Variants in ADCYAP1R1 observed in about 807,000 individuals in gnomAD.
The protein encoded by ADCYAP1R1 is pituitary adenylate cyclase-activating polypeptide type I receptor.
In ADCYAP1R1, 44 loss-of-function variants were observed where a neutral mutation model predicts 67.6. The ratio of observed to expected loss-of-function variants is 0.65; its 90% CI spans 0.51 to 0.84. The LOEUF (loss-of-function observed/expected upper bound fraction) is 0.84. Among genes scored for constraint, ADCYAP1R1 ranks in the 40% least tolerant of loss-of-function variants. The pLI, the probability that ADCYAP1R1 is intolerant of heterozygous loss-of-function variation, is 0.00. For synonymous variants in ADCYAP1R1, 222 were observed against 219.6 expected, an observed-to-expected ratio of 1.01 and a Z score of -0.10; for missense variants, 477 against 587.9, an observed-to-expected ratio of 0.81 and a Z score of 1.95.
chr7:31,087,553 C>A, intron 11 of ADCYAP1R1, 74 bp from the exon 12 acceptor site: 1 of 1,370,480 alleles, frequency 7.3e-7, no homozygotes, highest in Non-Finnish European at 1.0e-6. Flanking sequence ...CCCAGCTAGG[C>A]AGGGCAGTGT....
intron 3 of ADCYAP1R1, among the ~76,000 whole-genome samples, chr7:31,070,201 C>T (rs1794914334): frequency 6.6e-6 from 1 of 152,234 alleles, no homozygotes; most frequent in African/African-American, 2.4e-5. Flanking sequence ...CCCCCAGGCT[C>T]CGTTCCTTCT....
chr7:31,091,025 C>T (rs1795942459), intron 12 of ADCYAP1R1, among the ~76,000 whole-genome samples: 1 of 152,232 alleles, frequency 6.6e-6, no homozygotes, highest in Non-Finnish European at 1.5e-5. Flanking sequence ...AATTAATTTA[C>T]ATTCCCACCA....
chr7:31,105,862 T>G (rs563186131), intron 15 of ADCYAP1R1, among the ~76,000 whole-genome samples: 1 of 152,192 alleles, frequency 6.6e-6, no homozygotes, highest in Admixed American at 6.5e-5. Context: ...TTGTGCAGTC[T>G]GTGCACTGCA....
intron 13 of ADCYAP1R1, among the ~76,000 whole-genome samples, chr7:31,100,879 C>T (rs1272904047): frequency 1.3e-5 from 2 of 152,190 alleles, no homozygotes; most frequent in African/African-American, 2.4e-5. Context: ...GCCATTGCTC[C>T]CCTGGGCAGC....
rs528935489 is a variant in ADCYAP1R1, at chr7:31,078,626, C to T, written c.265+528C>T. Reference sequence around the variant, plus strand: ...GACGCGTGGGGAAGGCAGCTGGACACAAGACACCCACGTCCACATGCAGAG... The same window carrying T: ...GACGCGTGGGGAAGGCAGCTGGACATAAGACACCCACGTCCACATGCAGAG... On this transcript the variant is annotated intron_variant, in intron 4 of 15. Coordinates refer to ENST00000304166, the MANE Select transcript of ADCYAP1R1 (RefSeq NM_001118.5). Among the ~76,000 whole-genome samples, 7 of 152,352 alleles carry T rather than the reference C, an allele frequency of 4.6e-5. No homozygotes were observed. In the South Asian group the frequency reaches 1.5e-3, roughly 32 times the overall value.
intron 3 of ADCYAP1R1, 131 bp from the exon 4 acceptor site, chr7:31,077,860 A>G: frequency 1.9e-6 from 1 of 536,530 alleles, no homozygotes; most frequent in African/African-American, 2.2e-5. Context: ...TTGTGTGTGT[A>G]GCATGTATGT....
Position 31,054,649 on chromosome 7 carries a change from C to G in ADCYAP1R1, c.-72+1971C>G, listed in dbSNP as rs575101996. ...GGAGTGTCCCAGGTTGCCGCCCTCC[C>G]AGGGACAAGCATTTCATTGACCTGG... On this transcript the variant is annotated intron_variant, in intron 1 of 15. Coordinates refer to ENST00000304166, the MANE Select transcript of ADCYAP1R1 (RefSeq NM_001118.5). 9.8e-5 allele frequency among the ~76,000 whole-genome samples: 15 copies of G among 152,348 alleles called. No individual in the cohort carries two copies. In the East Asian group the frequency reaches 2.7e-3, roughly 27 times the overall value.
At chr7:31,101,395 C>T (rs915973247) in intron 13 of ADCYAP1R1, among the ~76,000 whole-genome samples, 1 of 152,146 alleles carries the variant, frequency 6.6e-6, no homozygotes, top group Non-Finnish European at 1.5e-5. Context: ...TGGAAATGGT[C>T]CCACCTATGG....
Position 31,057,640 on chromosome 7 carries a change from C to G in ADCYAP1R1, c.-72+4962C>G, listed in dbSNP as rs889913352. Among the ~76,000 whole-genome samples the G allele has an allele frequency of 3.9e-5, 6 of 152,122 alleles. No homozygotes were observed. The East Asian group carries it at 1.2e-3, about 29-fold the overall frequency. On this transcript the variant is annotated intron_variant, in intron 1 of 15. Transcript: ENST00000304166. ...GTCTGTGCCCTTTATCAGCTCTGGT[C>G]TTGAGGAGGAAAGAGGTTCTAGAGG...
intron 1 of ADCYAP1R1, among the ~76,000 whole-genome samples, chr7:31,056,161 G>T (rs1370496733): frequency 6.6e-6 from 1 of 152,154 alleles, no homozygotes; most frequent in Non-Finnish European, 1.5e-5. Context: ...GCTCCAAGGA[G>T]AGGGGCTCCT....
At chr7:31,084,102 A>G (rs970799415) in intron 6 of ADCYAP1R1, 39 bp from the exon 7 acceptor site, 1 of 1,575,982 alleles carries the variant, frequency 6.3e-7, no homozygotes, top group South Asian at 1.1e-5. Context: ...GGCCCTCTTA[A>G]TCATTTCTGG....
rs188669118 is a variant in ADCYAP1R1, at chr7:31,081,875, G to A, written c.328+121G>A. The A allele has an allele frequency of 9.8e-3, 7,045 of 715,916 alleles. 55 individuals carry two copies. The highest frequency in any genetic ancestry group is 0.013 in the Non-Finnish European group (5,740 of 443,562). The allele number at this position is 715,916 out of a possible 1,614,324, so 44.3% of individuals were successfully genotyped here. On this transcript the variant is annotated intron_variant, in intron 6 of 15. Coordinates refer to ENST00000304166, the MANE Select transcript of ADCYAP1R1 (RefSeq NM_001118.5). ...CTCCTCTGTGGCTGTGTGATCTTTG[G>A]CAGGTGACTTTTTTTCTCTGATAAA...
At position 31,107,620 on chromosome 7, in the gene ADCYAP1R1, C is replaced by T. The variant is rs1234456455; in HGVS notation, c.*936C>T. 1.3e-5 allele frequency: 2 copies of T among 152,140 alleles called. No homozygotes were observed. The highest frequency in any genetic ancestry group is 4.8e-5 in the African/African-American group (2 of 41,406). The allele number at this position is 152,140 out of a possible 1,614,324, so 9.4% of individuals were successfully genotyped here. On this transcript the variant is annotated 3_prime_UTR_variant, in exon 16 of 16. Transcript: ENST00000304166. The stretch of plus-strand genomic sequence containing the variant: ...ACAGAGAGCCCTTAAGCCCTCCCCT[C>T]CCCATTTCCCCTAAGTCAAAGCCAT...
intron 14 of ADCYAP1R1, among the ~76,000 whole-genome samples, 197 bp downstream of exon 14, chr7:31,103,563 G>A (rs1056144999): frequency 6.6e-5 from 10 of 152,198 alleles, no homozygotes; most frequent in African/African-American, 2.4e-4. Context: ...CACTGCATCT[G>A]AGTATCCTGA....
At chr7:31,100,802 T>G (rs984913799) in intron 13 of ADCYAP1R1, among the ~76,000 whole-genome samples, 1 of 152,200 alleles carries the variant, frequency 6.6e-6, no homozygotes, top group African/African-American at 2.4e-5. Context: ...CCTAAGCACT[T>G]CGCCCCAAGG....
intron 3 of ADCYAP1R1, among the ~76,000 whole-genome samples, chr7:31,076,152 A>AG (rs1197490455): frequency 6.6e-6 from 1 of 152,226 alleles, no homozygotes; most frequent in East Asian, 1.9e-4. Context: ...ATCCATGAGC[A>AG]GGGTGAGCTC....
rs3076597 is a variant in ADCYAP1R1, at chr7:31,108,746, A to ATG, written c.*2096_*2097dup. ...CCTCATATCAGGTTTTGATGAATAT[A>ATG]TGTGTGTGTGTGTGTGTGTGTGTGT... On this transcript the variant is annotated 3_prime_UTR_variant, in exon 16 of 16. Coordinates refer to ENST00000304166, the MANE Select transcript of ADCYAP1R1 (RefSeq NM_001118.5). 0.13 allele frequency: 19,458 copies of ATG among 147,946 alleles called. 1,678 individuals are homozygous for ATG. The highest frequency in any genetic ancestry group is 0.25 in the African/African-American group (10,191 of 40,154). 9.2% of individuals were successfully genotyped at this position (147,946 alleles called of 1,614,324 possible).
Position 31,092,748 on chromosome 7 carries a change from G to T in ADCYAP1R1, c.1046+13G>T. ...CCAGCATCTACTTGTAAGTACCATT[G>T]TGTGGCTGCCACAGCCATTTCTGAC... On this transcript the variant is annotated intron_variant, in intron 13 of 15. Coordinates refer to ENST00000304166, the MANE Select transcript of ADCYAP1R1 (RefSeq NM_001118.5). The T allele has an allele frequency of 6.3e-7, 1 of 1,595,378 alleles. No individual in the cohort carries two copies. The highest frequency in any genetic ancestry group is 8.6e-7 in the Non-Finnish European group (1 of 1,169,316).
At chr7:31,071,072 C>T (rs188217767) in intron 3 of ADCYAP1R1, among the ~76,000 whole-genome samples, 140 of 152,340 alleles carry the variant, frequency 9.2e-4, no homozygotes, top group African/African-American at 3.3e-3. Flanking sequence ...CTAACAATAC[C>T]TGGGCATCCT....
Sources: allele counts gnomAD v4.1 joint callset (sites outside exome capture counted in the v4.1 genomes callset), GRCh38; gene constraint gnomAD v4.1.1; transcripts MANE v1.5; gene names NCBI Gene and HGNC (gene_info 2026-07-23, HGNC 2026-07-21).